Variants in PIP5K1B observed in about 807,000 individuals in gnomAD.
PIP5K1B encodes phosphatidylinositol-4-phosphate 5-kinase type 1 beta, also known as phosphatidylinositol 4-phosphate 5-kinase type-1 beta.
A neutral mutation model predicts 67.0 loss-of-function variants in PIP5K1B; 42 were observed. The ratio of observed to expected loss-of-function variants is 0.63; its 90% confidence interval spans 0.49 to 0.81. The LOEUF is 0.81. Ranked by LOEUF, PIP5K1B falls within the 30% of genes least tolerant of loss-of-function variation. The pLI, the probability that PIP5K1B is intolerant of heterozygous loss-of-function variation, is 0.00. For missense variants in PIP5K1B, 459 were observed against 646.3 expected (o/e 0.71, Z 3.14); for synonymous variants, 214 against 231.4 (o/e 0.92, Z 0.68).
intron 1 of PIP5K1B, among the ~76,000 whole-genome samples, chr9:68,717,694 G>A (rs1484265013): frequency 9.2e-5 from 14 of 152,076 alleles, no homozygotes; most frequent in Admixed American, 5.9e-4. Flanking sequence ...CCATCATCTT[G>A]GGGTTAGGAT....
rs138491904 is a variant in PIP5K1B, at chr9:68,901,294, C to G, written c.771+6656C>G. Among the ~76,000 whole-genome samples the G allele has an allele frequency of 4.0e-3, 615 of 152,332 alleles. 1 individual carries two copies. The highest frequency in any genetic ancestry group is 6.6e-3 in the Non-Finnish European group (447 of 68,034). On this transcript the variant is annotated intron_variant, in intron 8 of 15. Coordinates refer to ENST00000265382, the MANE Select transcript of PIP5K1B (RefSeq NM_003558.4). The stretch of plus-strand genomic sequence containing the variant: ...TTGTTTTTTGAAATGAAGTCTCACT[C>G]TGCTGCCCAGGCTATAGTGTAGTGC...
At chr9:68,994,354 G>A (rs1009294147) in intron 15 of PIP5K1B, among the ~76,000 whole-genome samples, 1 of 151,944 alleles carries the variant, frequency 6.6e-6, no homozygotes, top group Non-Finnish European at 1.5e-5. Context: ...AATTGTTTAA[G>A]TATTCATTAA....
intron 2 of PIP5K1B, among the ~76,000 whole-genome samples, chr9:68,754,448 C>T (rs370772900): frequency 6.6e-6 from 1 of 152,048 alleles, no homozygotes; most frequent in East Asian, 1.9e-4. Context: ...GGATTACAGG[C>T]GTGAGCCACC....
chr9:68,823,056 C>T (rs1833808897), intron 4 of PIP5K1B, among the ~76,000 whole-genome samples: 1 of 152,162 alleles, frequency 6.6e-6, no homozygotes, highest in Non-Finnish European at 1.5e-5. Context: ...GCGTCTTTCC[C>T]AGGCTGTATC....
chr9:68,709,957 T>G (rs1186166187), intron 1 of PIP5K1B, among the ~76,000 whole-genome samples: 1 of 152,164 alleles, frequency 6.6e-6, no homozygotes, highest in African/African-American at 2.4e-5. Context: ...ATTCTCAACT[T>G]CTCTTCCTGA....
chr9:68,863,815 G>A, intron 4 of PIP5K1B, 22 bp from the exon 5 acceptor site: 1 of 1,611,612 alleles, frequency 6.2e-7, no homozygotes, highest in Non-Finnish European at 8.5e-7. Flanking sequence ...GACTAATGTT[G>A]AGACCCTTGT....
At chr9:68,987,024 G>A (rs974775291) in intron 14 of PIP5K1B, among the ~76,000 whole-genome samples, 6 of 152,256 alleles carry the variant, frequency 3.9e-5, no homozygotes, top group South Asian at 2.1e-4. Context: ...AGGCTGAGGC[G>A]GGTGGATCAC....
At chr9:68,987,350 G>A (rs1052119701) in intron 14 of PIP5K1B, among the ~76,000 whole-genome samples, 1 of 152,072 alleles carries the variant, frequency 6.6e-6, no homozygotes, top group Non-Finnish European at 1.5e-5. Flanking sequence ...GATCATTTGA[G>A]GCCAGCAGTT....
intron 2 of PIP5K1B, among the ~76,000 whole-genome samples, chr9:68,813,697 G>A (rs928586386): frequency 6.6e-6 from 1 of 152,170 alleles, no homozygotes; most frequent in Non-Finnish European, 1.5e-5. Context: ...ATAAGAAGAG[G>A]AAAATGCCAC....
intron 4 of PIP5K1B, among the ~76,000 whole-genome samples, chr9:68,840,208 C>T (rs1256530340): frequency 6.6e-6 from 1 of 152,074 alleles, no homozygotes; most frequent in African/African-American, 2.4e-5. Context: ...GAAACCCCGT[C>T]TCTACTAAAA....
chr9:68,928,125 A>C (rs1293956173), intron 12 of PIP5K1B, among the ~76,000 whole-genome samples: 1 of 152,118 alleles, frequency 6.6e-6, no homozygotes, highest in Admixed American at 6.5e-5. Flanking sequence ...ATAAGGATTT[A>C]CTTCTTGACT....
intron 2 of PIP5K1B, among the ~76,000 whole-genome samples, chr9:68,764,483 A>G (rs1306650090): frequency 6.6e-6 from 1 of 152,110 alleles, no homozygotes; most frequent in East Asian, 1.9e-4. Flanking sequence ...AATTTGTCTC[A>G]TGAAGTTGCT....
intron 2 of PIP5K1B, among the ~76,000 whole-genome samples, chr9:68,818,108 CAGATACCTGT>C: frequency 6.6e-6 from 1 of 152,316 alleles, no homozygotes; most frequent in East Asian, 1.9e-4. Context: ...CTTGAATCTC[CAGATACCTGT>C]GGTTCATTTG....
intron 4 of PIP5K1B, among the ~76,000 whole-genome samples, chr9:68,858,635 C>T (rs1822905423): frequency 6.6e-6 from 1 of 152,178 alleles, no homozygotes; most frequent in South Asian, 2.1e-4. Context: ...AGGGAGGGCA[C>T]TGAGAACCCA....
chr9:68,961,216 C>CAAAAAA (rs544251006), intron 14 of PIP5K1B, among the ~76,000 whole-genome samples: 21 of 56,296 alleles, frequency 3.7e-4, no homozygotes, highest in East Asian at 7.8e-4. Context: ...GACTCCGTCT[C>CAAAAAA]AAAAAAAAAA....
rs1587663750 is a variant in PIP5K1B, at chr9:68,917,618, A to G, written c.842A>G (p.Lys281Arg). ...LGIHFLDHSL[K>R]EKEEETPQNV... is the part of the protein sequence containing the mutation. ...ATTCATTTCCTGGACCATTCCCTCA[A>G]AGAGAAAGAGGAGGAGACCCCACAA... Residue 281 changes from lysine to arginine, a missense_variant, in exon 9 of 16, where the codon AAA becomes AGA. Physicochemically the swap from Lys to Arg is conservative, Grantham distance 26. Transcript: ENST00000265382. 1 of 1,614,062 alleles carries G rather than the reference A, an allele frequency of 6.2e-7. No individual in the cohort carries two copies.
chr9:68,833,190 A>G (rs935458283), intron 4 of PIP5K1B, among the ~76,000 whole-genome samples: 9 of 152,262 alleles, frequency 5.9e-5, no homozygotes, highest in East Asian at 1.9e-4. Context: ...TTAAAGTACT[A>G]TGAAGAAAAT....
intron 2 of PIP5K1B, chr9:68,789,083 T>C: frequency 1.9e-6 from 1 of 523,224 alleles, no homozygotes; most frequent in Non-Finnish European, 3.7e-6. Flanking sequence ...TAGAACCTGA[T>C]TTATCAATAA....
chr9:68,852,877 ACTT>A (rs1210645431), intron 4 of PIP5K1B, among the ~76,000 whole-genome samples: 1 of 151,636 alleles, frequency 6.6e-6, no homozygotes, highest in Admixed American at 6.6e-5. Context: ...CAAAAAATAA[ACTT>A]CTCTTGAATC....
Sources: gnomAD v4.1 joint callset for allele counts (sites outside exome capture counted in the v4.1 genomes callset) on GRCh38, gnomAD v4.1.1 for gene constraint, MANE v1.5 for transcripts, NCBI Gene and HGNC (gene_info 2026-07-23, HGNC 2026-07-21) for gene names.